The following RAD18 variants were observed in gnomAD, a reference collection of about 807,000 sequenced individuals.
RAD18 encodes E3 ubiquitin-protein ligase RAD18.
Under a neutral mutation model 60.4 loss-of-function variants are expected in RAD18, and 47 were observed. The observed-to-expected ratio is 0.78, with a 90% CI of 0.62 to 0.99. The LOEUF is 0.99. Among genes scored for constraint, RAD18 ranks in the 50% least tolerant of loss-of-function variants. RAD18 has a pLI of 0.00. For synonymous variants in RAD18, 225 were observed against 195.5 expected (o/e 1.15, Z -1.26); for missense variants, 640 against 593.3 (o/e 1.08, Z -0.82).
chr3:8,909,849 A>C (rs1187654855), intron 9 of RAD18, among the ~76,000 whole-genome samples: 1 of 152,192 alleles, frequency 6.6e-6, no homozygotes, highest in Non-Finnish European at 1.5e-5. Context: ...AGAGAAAAAA[A>C]ATTATCATAA....
intron 7 of RAD18, among the ~76,000 whole-genome samples, chr3:8,929,703 A>G (rs633425): frequency 0.69 from 104,379 of 151,172 alleles, 36,584 homozygotes; most frequent in Middle Eastern, 0.77. Context: ...GTGCAATGGC[A>G]CGATCTCAGC....
chr3:8,884,626 A>C (rs1939525392), intron 12 of RAD18, among the ~76,000 whole-genome samples: 2 of 84,392 alleles, frequency 2.4e-5, no homozygotes, highest in Non-Finnish European at 6.3e-5. Flanking sequence ...AATTTTCAGT[A>C]ATTTTTCTTT....
chr3:8,894,885 C>G (rs1009448489), intron 11 of RAD18, among the ~76,000 whole-genome samples: 3 of 151,670 alleles, frequency 2.0e-5, no homozygotes, highest in African/African-American at 4.9e-5. Context: ...CTCAGCCTCC[C>G]GAGTAGCTGG....
intron 11 of RAD18, among the ~76,000 whole-genome samples, chr3:8,893,151 T>TA (rs1939722632): frequency 6.6e-6 from 1 of 152,220 alleles, no homozygotes; most frequent in African/African-American, 2.4e-5. Context: ...TGCTCTATTT[T>TA]AATCTTTGAT....
intron 2 of RAD18, among the ~76,000 whole-genome samples, chr3:8,956,599 A>G (rs1941016733): frequency 6.6e-6 from 1 of 152,208 alleles, no homozygotes; most frequent in Admixed American, 6.5e-5. Flanking sequence ...TCTGTAACAA[A>G]GCCACTGTGA....
intron 7 of RAD18, among the ~76,000 whole-genome samples, chr3:8,934,111 G>A (rs1024626141): frequency 6.6e-6 from 1 of 152,148 alleles, no homozygotes; most frequent in African/African-American, 2.4e-5. Flanking sequence ...AGACAATCTT[G>A]TCCTCTACCT....
At chr3:8,902,205 T>C (rs1378375294) in intron 10 of RAD18, among the ~76,000 whole-genome samples, 175 bp downstream of exon 10, 1 of 152,212 alleles carries the variant, frequency 6.6e-6, no homozygotes, top group Non-Finnish European at 1.5e-5. Flanking sequence ...TCCAACCACT[T>C]TCCCCATAGT....
At chr3:8,883,668 C>T (rs966777487) in intron 12 of RAD18, among the ~76,000 whole-genome samples, 16 of 152,102 alleles carry the variant, frequency 1.1e-4, no homozygotes, top group East Asian at 9.7e-4. Context: ...GAAAGTTTAG[C>T]GCTTCCTTAG....
At position 8,948,485 on chromosome 3, in the gene RAD18, T is replaced by TA. The variant is rs1188774698; in HGVS notation, c.195+23dup. ...AATATTTGCAGCAGTCAGTAAGTTTTAAAAAAAGGAAACAAAAACTCACCA... is the reference window on the plus strand; with the variant it reads ...AATATTTGCAGCAGTCAGTAAGTTTTAAAAAAAAGGAAACAAAAACTCACCA... On this transcript the variant is annotated intron_variant, in intron 3 of 12. Coordinates refer to ENST00000264926, the MANE Select transcript of RAD18 (RefSeq NM_020165.4). 5 of 1,594,012 alleles carry TA rather than the reference T, an allele frequency of 3.1e-6. No individual in the cohort carries two copies. The African/African-American group carries it at 5.4e-5, about 17-fold the overall frequency.
rs576266321 is a variant in RAD18, at chr3:8,950,866, C to T, written c.134-2296G>A. Among the ~76,000 whole-genome samples, 5 of 152,198 alleles carry T rather than the reference C, an allele frequency of 3.3e-5. No homozygotes were observed. The South Asian group carries it at 6.2e-4, about 19-fold the overall frequency. The stretch of plus-strand genomic sequence containing the variant: ...AAGGAATGCTAGCGATAAAAAGAAC[C>T]GCTATAACAGAATGCCTTTGATAGG... On this transcript the variant is annotated intron_variant, in intron 2 of 12. Coordinates refer to ENST00000264926, the MANE Select transcript of RAD18 (RefSeq NM_020165.4).
chr3:8,923,287 T>C (rs1004616860), intron 7 of RAD18, among the ~76,000 whole-genome samples: 3 of 152,144 alleles, frequency 2.0e-5, no homozygotes, highest in Non-Finnish European at 4.4e-5. Flanking sequence ...CAGTAGCCGA[T>C]TCGATCAATT....
At position 8,881,442 on chromosome 3, in the gene RAD18, G is replaced by T; in HGVS notation, c.1403C>A (p.Thr468Lys). Residue 468 changes from threonine to lysine, a missense_variant, in exon 13 of 13, where the codon ACA (threonine) becomes AAA (lysine). Coordinates refer to ENST00000264926, the MANE Select transcript of RAD18 (RefSeq NM_020165.4). ...EASHKNDLQD[T>K]EISPRQNRRT... ...GCGATTCTGTCTTGGACTTATTTCT[G>T]TGTCTTGAAGATCGTTTCTGAAGAC... 6.2e-7 allele frequency: 1 copy of T among 1,609,564 alleles called. No individual in the cohort carries two copies. Among genetic ancestry groups the T allele is most frequent in the Non-Finnish European group, 8.5e-7 (1 of 1,176,048 alleles).
intron 7 of RAD18, among the ~76,000 whole-genome samples, chr3:8,919,561 T>G (rs1940275058): frequency 6.6e-6 from 1 of 152,254 alleles, no homozygotes; most frequent in South Asian, 2.1e-4. Context: ...GATTTACATG[T>G]ATATATATGC....
chr3:8,912,493 G>T, intron 8 of RAD18, 121 bp from the exon 9 acceptor site: 1 of 634,240 alleles, frequency 1.6e-6, no homozygotes, highest in Non-Finnish European at 2.6e-6. Context: ...TCTCTCATCT[G>T]TTTTATATAG....
At chr3:8,945,682 G>A (rs1250454010) in intron 4 of RAD18, among the ~76,000 whole-genome samples, 1 of 151,906 alleles carries the variant, frequency 6.6e-6, no homozygotes, top group East Asian at 1.9e-4. Flanking sequence ...ATGTTGGCCA[G>A]GATGGTCTCG....
chr3:8,917,093 T>C (rs1940214376), intron 7 of RAD18, among the ~76,000 whole-genome samples: 1 of 152,034 alleles, frequency 6.6e-6, no homozygotes, highest in Non-Finnish European at 1.5e-5. Flanking sequence ...ACACATTATA[T>C]AAAGAAAAAT....
At chr3:8,915,585 CTTT>C (rs749576578) in intron 7 of RAD18, among the ~76,000 whole-genome samples, 3 of 139,862 alleles carry the variant, frequency 2.1e-5, no homozygotes, top group Non-Finnish European at 3.1e-5. Context: ...GGCTATTTTC[CTTT>C]TTTTTTTTTT....
intron 7 of RAD18, among the ~76,000 whole-genome samples, chr3:8,914,553 A>T (rs528028802): frequency 1.3e-5 from 2 of 152,018 alleles, no homozygotes; most frequent in African/African-American, 4.8e-5. Flanking sequence ...TTAAAGTTTT[A>T]TTTTTTTTAA....
At chr3:8,923,210 A>G (rs1170898393) in intron 7 of RAD18, among the ~76,000 whole-genome samples, 1 of 152,232 alleles carries the variant, frequency 6.6e-6, no homozygotes, top group Non-Finnish European at 1.5e-5. Context: ...AATGCAGAGA[A>G]GTCCTTAAAT....
Sources: allele counts gnomAD v4.1 joint callset (sites outside exome capture counted in the v4.1 genomes callset), GRCh38; gene constraint gnomAD v4.1.1; transcripts MANE v1.5; gene names NCBI Gene and HGNC (gene_info 2026-07-23, HGNC 2026-07-21).